DGKB: variants seen among roughly 807,000 people sequenced by gnomAD.
DGKB encodes the protein diacylglycerol kinase beta.
Under a neutral mutation model 114.3 loss-of-function variants are expected in DGKB, and 67 were observed. The observed-to-expected ratio is 0.59, with a 90% CI of 0.48 to 0.72. The LOEUF is 0.72. DGKB is among the 30% of genes least tolerant of loss of function. DGKB has a pLI of 0.00. For synonymous variants in DGKB, 398 were observed against 323.1 expected (o/e 1.23, Z -2.49); for missense variants, 907 against 975.2 (o/e 0.93, Z 0.93).
intron 23 of DGKB, among the ~76,000 whole-genome samples, chr7:14,243,181 G>C (rs1399566465): frequency 6.6e-6 from 1 of 152,150 alleles, no homozygotes; most frequent in Non-Finnish European, 1.5e-5. Flanking sequence ...GGAGACTGAA[G>C]TGAACACTTG....
chr7:14,326,622 TCTC>T (rs1324681728), intron 23 of DGKB, among the ~76,000 whole-genome samples: 2 of 152,102 alleles, frequency 1.3e-5, no homozygotes, highest in African/African-American at 4.8e-5. Flanking sequence ...GGAATTCCCT[TCTC>T]CTGTCTATAC....
At chr7:14,490,757 T>C (rs777927464) in intron 20 of DGKB, among the ~76,000 whole-genome samples, 20 of 152,182 alleles carry the variant, frequency 1.3e-4, no homozygotes, top group Non-Finnish European at 2.8e-4. Context: ...TAATCATTTA[T>C]TCAGCGCTTC....
chr7:14,912,613 T>C (rs1166409372), intron 1 of DGKB, among the ~76,000 whole-genome samples: 1 of 152,156 alleles, frequency 6.6e-6, no homozygotes, highest in Non-Finnish European at 1.5e-5. Context: ...TAGTGTTATG[T>C]AGATTCAGCC....
chr7:14,638,557 G>A (rs554342694), intron 13 of DGKB, among the ~76,000 whole-genome samples: 2 of 152,242 alleles, frequency 1.3e-5, no homozygotes, highest in South Asian at 2.1e-4. Context: ...TATTTGTTAA[G>A]CATCTAGTCT....
chr7:14,231,189 T>C (rs561960498), intron 23 of DGKB, among the ~76,000 whole-genome samples: 11 of 151,402 alleles, frequency 7.3e-5, no homozygotes, highest in African/African-American at 2.4e-4. Flanking sequence ...TTGCTCAGAC[T>C]GGAGTAAAAT....
intron 13 of DGKB, among the ~76,000 whole-genome samples, chr7:14,631,029 A>G (rs1481503048): frequency 6.6e-6 from 1 of 151,756 alleles, no homozygotes; most frequent in Non-Finnish European, 1.5e-5. Context: ...AATACTAGAT[A>G]AAGTTTCCCC....
At chr7:14,841,540 T>C (rs1429602561) in intron 1 of DGKB, 90 bp from the exon 2 acceptor site, 7 of 300,788 alleles carry the variant, frequency 2.3e-5, no homozygotes. Flanking sequence ...TAAATACTTT[T>C]TAAATCATAT....
At chr7:14,554,516 T>A (rs567355618) in intron 20 of DGKB, among the ~76,000 whole-genome samples, 1 of 152,174 alleles carries the variant, frequency 6.6e-6, no homozygotes, top group Non-Finnish European at 1.5e-5. Context: ...CCCTGTGGAA[T>A]AGATTTTTAG....
At chr7:14,173,727 A>G (rs1369178015) in intron 25 of DGKB, among the ~76,000 whole-genome samples, 1 of 152,204 alleles carries the variant, frequency 6.6e-6, no homozygotes, top group Non-Finnish European at 1.5e-5. Flanking sequence ...CTCTTCAATT[A>G]CAGTGAAATT....
chr7:14,784,944 C>T (rs1839669041), intron 2 of DGKB, among the ~76,000 whole-genome samples: 1 of 152,034 alleles, frequency 6.6e-6, no homozygotes, highest in Non-Finnish European at 1.5e-5. Context: ...GTCTGCCACA[C>T]TACTGGTCTC....
At chr7:14,618,178 T>C (rs545172009) in intron 15 of DGKB, among the ~76,000 whole-genome samples, 10 of 151,344 alleles carry the variant, frequency 6.6e-5, no homozygotes, top group African/African-American at 1.7e-4. Context: ...ATTGATTATA[T>C]AGAGATAATT....
chr7:14,866,609 T>A (rs1027950581), intron 1 of DGKB, among the ~76,000 whole-genome samples: 24 of 152,194 alleles, frequency 1.6e-4, no homozygotes, highest in African/African-American at 5.5e-4. Context: ...TCTGGATATA[T>A]CATCATTTAT....
chr7:14,749,641 A>C (rs1833839165), intron 4 of DGKB, among the ~76,000 whole-genome samples: 1 of 152,072 alleles, frequency 6.6e-6, no homozygotes, highest in African/African-American at 2.4e-5. Context: ...CTTCAGCTGA[A>C]ATCTATTTTA....
intron 21 of DGKB, among the ~76,000 whole-genome samples, chr7:14,460,711 A>G (rs2128867906): frequency 6.6e-6 from 1 of 152,280 alleles, no homozygotes; most frequent in Non-Finnish European, 1.5e-5. Context: ...CAGGAAATTA[A>G]CAAGAGTATT....
chr7:14,292,089 C>A (rs922755874), intron 23 of DGKB, among the ~76,000 whole-genome samples: 1 of 152,034 alleles, frequency 6.6e-6, no homozygotes, highest in Non-Finnish European at 1.5e-5. Context: ...GAAAATACAA[C>A]AATTTATTTG....
chr7:14,278,969 C>T (rs548299056), intron 23 of DGKB, among the ~76,000 whole-genome samples: 340 of 152,268 alleles, frequency 2.2e-3, no homozygotes, highest in Non-Finnish European at 3.4e-3. Context: ...ATCTGAGATA[C>T]GGGGTTCATC....
At chr7:14,723,065 C>T (rs138507142) in intron 5 of DGKB, among the ~76,000 whole-genome samples, 10 of 150,456 alleles carry the variant, frequency 6.6e-5, no homozygotes, top group African/African-American at 2.5e-4. Flanking sequence ...CTGGCTGAAG[C>T]TCACTACTTA....
At chr7:14,660,454 G>C (rs1816802467) in intron 13 of DGKB, among the ~76,000 whole-genome samples, 1 of 152,042 alleles carries the variant, frequency 6.6e-6, no homozygotes, top group Admixed American at 6.6e-5. Context: ...TTAGGAGACT[G>C]TATGTGTCGA....
At chr7:14,414,703 CT>C (rs1210290701) in intron 21 of DGKB, among the ~76,000 whole-genome samples, 2 of 152,026 alleles carry the variant, frequency 1.3e-5, no homozygotes, top group Non-Finnish European at 2.9e-5. Flanking sequence ...CATTATCAAA[CT>C]TTTTTTGTAG....
Sources: allele counts gnomAD v4.1 joint callset (sites outside exome capture counted in the v4.1 genomes callset), GRCh38; gene constraint gnomAD v4.1.1; transcripts MANE v1.5; gene names NCBI Gene and HGNC (gene_info 2026-07-23, HGNC 2026-07-21).